Variants in G3BP2 observed in about 807,000 individuals in gnomAD.
The protein encoded by G3BP2 is G3BP stress granule assembly factor 2, also known as ras GTPase-activating protein-binding protein 2.
G3BP2 carries 11 observed loss-of-function variants against 56.7 expected under a neutral mutation model. The ratio of observed to expected loss-of-function variants is 0.19; its 90% CI spans 0.12 to 0.32. G3BP2 has a LOEUF of 0.32. Among genes scored for constraint, G3BP2 ranks in the 10% least tolerant of loss-of-function variants. The probability of loss-of-function intolerance (pLI) is 1.00; values close to 1 mark genes in which losing one functional copy is unlikely to be tolerated. For missense variants in G3BP2, 340 were observed against 610.9 expected (o/e 0.56, Z 4.67); for synonymous variants, 165 against 191.6 (o/e 0.86, Z 1.15).
chr4:75,657,302 C>T (rs1732194053), intron 4 of G3BP2, among the ~76,000 whole-genome samples: 1 of 152,108 alleles, frequency 6.6e-6, no homozygotes, highest in African/African-American at 2.4e-5. Flanking sequence ...TCAAATGTAA[C>T]CTTTCAAATA....
At chr4:75,682,665 T>C (rs1185842933) in intron 3 of G3BP2, among the ~76,000 whole-genome samples, 1 of 152,084 alleles carries the variant, frequency 6.6e-6, no homozygotes, top group East Asian at 1.9e-4. Flanking sequence ...AACTTCTCAT[T>C]GGGAAAAGAT....
chr4:75,700,657 G>A (rs1577888734), intron 3 of G3BP2, among the ~76,000 whole-genome samples: 1 of 149,930 alleles, frequency 6.7e-6, no homozygotes, highest in South Asian at 2.1e-4. Flanking sequence ...CTGACCTCGT[G>A]ATCCGCCTGC....
intron 3 of G3BP2, among the ~76,000 whole-genome samples, chr4:75,698,789 A>C (rs1719221907): frequency 6.6e-6 from 1 of 152,076 alleles, no homozygotes; most frequent in South Asian, 2.1e-4. Context: ...CTGAAGCCTC[A>C]AACTCAAGCA....
chr4:75,695,651 C>A (rs1358250625), intron 3 of G3BP2, among the ~76,000 whole-genome samples: 1 of 152,102 alleles, frequency 6.6e-6, no homozygotes, highest in East Asian at 1.9e-4. Context: ...GGCAGCTACT[C>A]TGGCAGTCAA....
chr4:75,666,333 G>A (rs1041788244), intron 1 of G3BP2, among the ~76,000 whole-genome samples: 1 of 152,204 alleles, frequency 6.6e-6, no homozygotes, highest in South Asian at 2.1e-4. Flanking sequence ...TGGTAAATAA[G>A]TAAGGCAATG....
chr4:75,657,947 T>C (rs1349542414), intron 3 of G3BP2, among the ~76,000 whole-genome samples: 1 of 152,238 alleles, frequency 6.6e-6, no homozygotes, highest in Non-Finnish European at 1.5e-5. Context: ...CTGGGCTTTA[T>C]ACAGCTTTCT....
upstream of G3BP2, among the ~76,000 whole-genome samples, chr4:75,676,065 A>G (rs1733864100): frequency 1.3e-5 from 2 of 152,158 alleles, no homozygotes; most frequent in Admixed American, 1.3e-4. Context: ...TGTTAAGTAA[A>G]TATCTCTAAC....
chr4:75,651,131 A>T (rs1383506379), intron 8 of G3BP2, among the ~76,000 whole-genome samples: 1 of 152,210 alleles, frequency 6.6e-6, no homozygotes, highest in Non-Finnish European at 1.5e-5. Flanking sequence ...ACTTCAACTA[A>T]GGGGGTCTAA....
intron 2 of G3BP2, among the ~76,000 whole-genome samples, chr4:75,721,042 G>A (rs1330058898): frequency 6.6e-6 from 1 of 151,240 alleles, no homozygotes; most frequent in Admixed American, 6.6e-5. Context: ...CTACTCAGGA[G>A]GCTGAGGCAG....
At chr4:75,699,911 T>C (rs1159952480) in intron 3 of G3BP2, among the ~76,000 whole-genome samples, 2 of 150,280 alleles carry the variant, frequency 1.3e-5, no homozygotes, top group African/African-American at 4.9e-5. Flanking sequence ...CAAATACAAA[T>C]ACTGTTAGCA....
At chr4:75,653,860 T>C in intron 8 of G3BP2, 123 bp downstream of exon 8, 5 of 591,522 alleles carry the variant, frequency 8.5e-6, no homozygotes, top group South Asian at 2.0e-5. Context: ...CACTGACATA[T>C]AATACAAGTT....
chr4:75,690,843 T>C (rs1718826258), intron 3 of G3BP2, among the ~76,000 whole-genome samples: 1 of 151,950 alleles, frequency 6.6e-6, no homozygotes, highest in African/African-American at 2.4e-5. Context: ...GGATTACAGG[T>C]GTGAGCCACC....
chr4:75,662,427 G>C (rs546338592), intron 1 of G3BP2: 1 of 156,350 alleles, frequency 6.4e-6, no homozygotes, highest in South Asian at 1.9e-4. Flanking sequence ...TCTCCATGTT[G>C]GTCAGGCTGG....
At chr4:75,688,889 T>G (rs1710431764) in intron 3 of G3BP2, among the ~76,000 whole-genome samples, 1 of 152,226 alleles carries the variant, frequency 6.6e-6, no homozygotes, top group Non-Finnish European at 1.5e-5. Context: ...AATCAATCCA[T>G]GACTGCTGAT....
chr4:75,665,045 TA>T (rs1468224621), intron 1 of G3BP2, among the ~76,000 whole-genome samples: 1 of 152,198 alleles, frequency 6.6e-6, no homozygotes, highest in Admixed American at 6.5e-5. Flanking sequence ...TTTAAATAAC[TA>T]AAACAATTTC....
chr4:75,676,257 T>C (rs971162197), upstream of G3BP2, among the ~76,000 whole-genome samples: 1 of 152,050 alleles, frequency 6.6e-6, no homozygotes, highest in African/African-American at 2.4e-5. Context: ...GGGAGACCAG[T>C]GTGAACGGTA....
intron 3 of G3BP2, among the ~76,000 whole-genome samples, chr4:75,715,713 A>G (rs1337735072): frequency 6.6e-6 from 1 of 152,242 alleles, no homozygotes; most frequent in Non-Finnish European, 1.5e-5. Flanking sequence ...ACTGAAAGCT[A>G]ATCAACCCAT....
chr4:75,647,733 G>A (rs1323197113), intron 9 of G3BP2, among the ~76,000 whole-genome samples: 4 of 152,108 alleles, frequency 2.6e-5, no homozygotes, highest in Admixed American at 2.6e-4. Context: ...AAGAAGCTCA[G>A]AATTTAAGGG....
In G3BP2 at chr4:75,657,561, G is replaced by C; in HGVS notation, c.347C>G (p.Pro116Arg). The change falls in exon 4 of 12, where the codon CCT becomes CGT. Residue 116 changes from proline to arginine, a missense_variant. Physicochemically the swap from Pro to Arg is moderately radical, Grantham distance 103 (BLOSUM62 -2). Around this residue, in one of 4 missense-constraint regions of G3BP2, gnomAD observed 224 missense variants for 332.5 expected, o/e 0.67. Coordinates refer to ENST00000359707, the MANE Select transcript of G3BP2 (RefSeq NM_203505.3). ...RKFMQTFVLA[P>R]EGSVPNKFYV... ...TAAGTGAATTGAGAAACTTACTTCA[G>C]GAGCCAGAACAAAGGTTTGCATAAA... 1 of 1,600,336 alleles carries C rather than the reference G, an allele frequency of 6.2e-7. No individual in the cohort carries two copies. Among genetic ancestry groups the C allele is most frequent in the Non-Finnish European group, 8.5e-7 (1 of 1,175,062 alleles).
Sources: allele counts gnomAD v4.1 joint callset (sites outside exome capture counted in the v4.1 genomes callset), GRCh38; gene constraint gnomAD v4.1.1; regional missense constraint gnomAD v4.1.1; transcripts MANE v1.5; gene names NCBI Gene and HGNC (gene_info 2026-07-23, HGNC 2026-07-21).